The following INVS variants were observed in gnomAD, a reference collection of about 807,000 sequenced individuals.
INVS encodes inversion of embryo turning homolog.
A neutral mutation model predicts 108.8 loss-of-function variants in INVS; 86 were observed. The ratio of observed to expected loss-of-function variants is 0.79; its 90% CI spans 0.66 to 0.95. The LOEUF (loss-of-function observed/expected upper bound fraction) is 0.95, where lower values mean the gene tolerates loss of function less well. INVS is among the 40% of genes least tolerant of loss of function. INVS has a pLI of 0.00. For missense variants in INVS, 1,169 were observed against 1,297.4 expected (o/e 0.90, Z 1.52); for synonymous variants, 455 against 473.5 (o/e 0.96, Z 0.51).
intron 10 of INVS, among the ~76,000 whole-genome samples, chr9:100,259,738 C>T (rs547719411): frequency 6.6e-6 from 1 of 151,716 alleles, no homozygotes; most frequent in Non-Finnish European, 1.5e-5. Flanking sequence ...TTAGTAGAGA[C>T]GGGGTTTCGT....
At chr9:100,186,797 T>C (rs1037990174) in intron 3 of INVS, among the ~76,000 whole-genome samples, 2 of 152,184 alleles carry the variant, frequency 1.3e-5, no homozygotes, top group African/African-American at 4.8e-5. Flanking sequence ...AATATGTTCT[T>C]CCATTTTGTG....
chr9:100,229,914 C>T (rs557190361), intron 5 of INVS, 87 bp downstream of exon 5: 38 of 1,265,740 alleles, frequency 3.0e-5, no homozygotes, highest in Middle Eastern at 2.1e-4. Flanking sequence ...GTATATTTGA[C>T]GTACAAGCAA....
chr9:100,227,318 A>G (rs1478458601), intron 4 of INVS, among the ~76,000 whole-genome samples: 1 of 152,214 alleles, frequency 6.6e-6, no homozygotes, highest in Non-Finnish European at 1.5e-5. Flanking sequence ...CCTTGAAGGA[A>G]TACCATGTAT....
intron 12 of INVS, among the ~76,000 whole-genome samples, chr9:100,281,045 A>C (rs1833259102): frequency 6.6e-6 from 1 of 152,238 alleles, no homozygotes; most frequent in Non-Finnish European, 1.5e-5. Flanking sequence ...AATAAAAAAG[A>C]AAGCTCATTT....
At chr9:100,147,108 CAT>C (rs1379205183) in intron 3 of INVS, among the ~76,000 whole-genome samples, 1 of 152,208 alleles carries the variant, frequency 6.6e-6, no homozygotes, top group Non-Finnish European at 1.5e-5. Flanking sequence ...TGTCTAATCA[CAT>C]GTTAATTCAA....
chr9:100,255,588 A>G (rs1179184648), intron 10 of INVS, among the ~76,000 whole-genome samples: 2 of 152,196 alleles, frequency 1.3e-5, no homozygotes, highest in Admixed American at 1.3e-4. Flanking sequence ...GATACGTCCC[A>G]TCAATACCTA....
intron 10 of INVS, 149 bp from the exon 11 acceptor site, chr9:100,264,673 C>G: frequency 1.6e-6 from 1 of 640,174 alleles, no homozygotes; most frequent in East Asian, 2.8e-5. Context: ...ATATCATTTG[C>G]TTTCTCCACT....
intron 3 of INVS, among the ~76,000 whole-genome samples, chr9:100,166,456 A>G (rs1442708095): frequency 2.0e-5 from 3 of 152,084 alleles, no homozygotes; most frequent in Non-Finnish European, 4.4e-5. Context: ...CTGGGAGGTC[A>G]GGGCTGCTGG....
intron 7 of INVS, among the ~76,000 whole-genome samples, chr9:100,245,971 C>A: frequency 6.6e-6 from 1 of 152,020 alleles, no homozygotes; most frequent in Non-Finnish European, 1.5e-5. Flanking sequence ...TCAAGACCAG[C>A]TTTGCCAACA....
At chr9:100,250,733 C>G (rs1437766115) in intron 8 of INVS, among the ~76,000 whole-genome samples, 1 of 151,466 alleles carries the variant, frequency 6.6e-6, no homozygotes, top group Non-Finnish European at 1.5e-5. Flanking sequence ...TTACTGGTCT[C>G]CCTGCTTATA....
chr9:100,198,487 C>T (rs988254009), intron 3 of INVS, among the ~76,000 whole-genome samples: 3 of 151,006 alleles, frequency 2.0e-5, no homozygotes, highest in Admixed American at 6.6e-5. Context: ...GACGGGGTTT[C>T]TCCATGTTGG....
intron 2 of INVS, among the ~76,000 whole-genome samples, chr9:100,125,966 G>A (rs1005128170): frequency 2.6e-5 from 4 of 152,146 alleles, no homozygotes; most frequent in Admixed American, 6.5e-5. Flanking sequence ...GATTACAGGC[G>A]TGAGCCACCG....
chr9:100,109,959 G>T (rs4743386), intron 2 of INVS, among the ~76,000 whole-genome samples: 1 of 152,028 alleles, frequency 6.6e-6, no homozygotes, highest in Non-Finnish European at 1.5e-5. Flanking sequence ...GAGCCACTGC[G>T]CCCGGCCTCT....
chr9:100,139,129 CTT>C (rs1828336357), intron 3 of INVS, among the ~76,000 whole-genome samples: 1 of 152,134 alleles, frequency 6.6e-6, no homozygotes, highest in South Asian at 2.1e-4. Flanking sequence ...ACAGAAATGA[CTT>C]ATTTGTTGTT....
intron 3 of INVS, among the ~76,000 whole-genome samples, chr9:100,154,339 T>C (rs1349127885): frequency 7.8e-6 from 1 of 128,216 alleles, no homozygotes; most frequent in East Asian, 2.1e-4. Flanking sequence ...TAATTTTTTT[T>C]TTTTTTTTTT....
At chr9:100,270,955 G>A (rs1261518304) in intron 11 of INVS, among the ~76,000 whole-genome samples, 1 of 151,068 alleles carries the variant, frequency 6.6e-6, no homozygotes, top group African/African-American at 2.4e-5. Flanking sequence ...AGAATGTGCC[G>A]AAAACAGCAC....
At position 100,302,093 on chromosome 9, in the gene INVS, A is replaced by G. The variant is rs1477674201; in HGVS notation, c.*1419A>G. 1.4e-6 allele frequency: 1 copy of G among 701,784 alleles called. No homozygotes were observed. The highest frequency in any genetic ancestry group is 2.6e-5 in the East Asian group (1 of 37,758). 43.5% of individuals were successfully genotyped at this position (701,784 alleles called of 1,614,324 possible). ...AAGAAGGTTCGTAAACTTCTTTAAA[A>G]GTTCAGCTTTAATGACAAAGATCTA... On this transcript the variant is annotated 3_prime_UTR_variant, in exon 17 of 17. Transcript: ENST00000262457.
chr9:100,268,509 T>A (rs1303064677), intron 11 of INVS, among the ~76,000 whole-genome samples: 1 of 152,100 alleles, frequency 6.6e-6, no homozygotes, highest in Non-Finnish European at 1.5e-5. Flanking sequence ...TAGCCCTCAC[T>A]CAAGATGGAG....
At chr9:100,252,824 G>A (rs1463908912) in intron 9 of INVS, 83 bp from the exon 10 acceptor site, 45 of 919,040 alleles carry the variant, frequency 4.9e-5, no homozygotes, top group Non-Finnish European at 7.0e-5. Flanking sequence ...ATGCATTTAA[G>A]GAACAATTGT....
Sources: gnomAD v4.1 joint callset for allele counts (sites outside exome capture counted in the v4.1 genomes callset) on GRCh38, gnomAD v4.1.1 for gene constraint, MANE v1.5 for transcripts, NCBI Gene and HGNC (gene_info 2026-07-23, HGNC 2026-07-21) for gene names.